HYAL4: variants seen among roughly 807,000 people sequenced by gnomAD.
HYAL4 encodes hyaluronidase 4.
In HYAL4, 37 loss-of-function variants were observed where a neutral mutation model predicts 35.2. The observed-to-expected ratio is 1.05, with a 90% CI of 0.81 to 1.38. The LOEUF (loss-of-function observed/expected upper bound fraction) is 1.38. HYAL4 is among the 40% of genes most tolerant of loss of function. The pLI, the probability that HYAL4 is intolerant of heterozygous loss-of-function variation, is 0.00. For synonymous variants in HYAL4, 198 were observed against 203.2 expected, an observed-to-expected ratio of 0.97 and a Z score of 0.22; for missense variants, 572 against 572.4, an observed-to-expected ratio of 1.00 and a Z score of 0.01.
At chr7:123,839,151 G>GA (rs1806014285) in intron 1 of HYAL4, among the ~76,000 whole-genome samples, 1 of 151,862 alleles carries the variant, frequency 6.6e-6, no homozygotes, top group Non-Finnish European at 1.5e-5. Context: ...TCCCACCTCT[G>GA]ACAGGCCACG....
intron 4 of HYAL4, among the ~76,000 whole-genome samples, chr7:123,876,304 A>G (rs1807022362): frequency 2.0e-5 from 3 of 152,234 alleles, no homozygotes; most frequent in Admixed American, 6.5e-5. Flanking sequence ...TTCAGGCTCT[A>G]ACACAACCAA....
the HYAL4 span, among the ~76,000 whole-genome samples, chr7:123,776,209 A>G: frequency 2.6e-5 from 4 of 152,204 alleles, no homozygotes; most frequent in East Asian, 1.9e-4. Flanking sequence ...GGGAACTGGT[A>G]GGATAAGCCT....
At chr7:123,814,728 T>A in the HYAL4 span, 1 of 152,620 alleles carries the variant, frequency 6.6e-6, no homozygotes, top group African/African-American at 2.4e-5. Flanking sequence ...GCTTTAGAAA[T>A]GAGACCAAAA....
chr7:123,817,909 G>A, the HYAL4 span, among the ~76,000 whole-genome samples: 1 of 151,648 alleles, frequency 6.6e-6, no homozygotes, highest in East Asian at 1.9e-4. Context: ...ATGGAGTCTC[G>A]CCCTGTCACC....
the HYAL4 span, among the ~76,000 whole-genome samples, chr7:123,784,756 A>G: frequency 1.1e-4 from 17 of 152,338 alleles, no homozygotes; most frequent in East Asian, 5.8e-4. Context: ...TGAATTTGCT[A>G]GTTTTCACCA....
chr7:123,857,588 G>A (rs971720441), intron 2 of HYAL4, among the ~76,000 whole-genome samples: 1 of 152,050 alleles, frequency 6.6e-6, no homozygotes, highest in African/African-American at 2.4e-5. Context: ...ATTCTGCATT[G>A]ATCTCACTGG....
upstream of HYAL4, chr7:123,844,185 G>A (rs1284755338): frequency 6.6e-6 from 1 of 151,952 alleles, no homozygotes; most frequent in African/African-American, 2.4e-5. Flanking sequence ...GGGTTTTGGT[G>A]TAGATGACCT....
At chr7:123,806,521 G>T in the HYAL4 span, among the ~76,000 whole-genome samples, 1 of 151,838 alleles carries the variant, frequency 6.6e-6, no homozygotes, top group East Asian at 1.9e-4. Context: ...TTGGCTCACC[G>T]CAACCTCTGC....
At chr7:123,771,841 A>T in the HYAL4 span, among the ~76,000 whole-genome samples, 1 of 148,088 alleles carries the variant, frequency 6.8e-6, no homozygotes. Context: ...ATCCATGTAG[A>T]GATTAGCATT....
upstream of HYAL4, among the ~76,000 whole-genome samples, chr7:123,842,178 G>T (rs894730493): frequency 6.6e-6 from 1 of 152,158 alleles, no homozygotes; most frequent in African/African-American, 2.4e-5. Context: ...ATGTGTCCCA[G>T]AGATTCTGAT....
chr7:123,869,119 G>T lies in HYAL4; in HGVS notation c.846G>T (p.Val282=). Residue 282 remains valine, a synonymous_variant, in exon 3 of 5, where the codon GTG becomes GTT. Coordinates refer to ENST00000223026, the MANE Select transcript of HYAL4 (RefSeq NM_012269.3). ...TTTTGCGCTTCTCCAAATTTCGGGT[G>T]CATGAATCCATGAGGATCTCCACCA... is the stretch of plus-strand genomic sequence containing the variant. ...ENILRFSKFR[V]HESMRISTMT... 5 of 1,614,108 alleles carry T rather than the reference G, an allele frequency of 3.1e-6. No homozygotes were observed. The highest frequency in any genetic ancestry group is 4.2e-6 in the Non-Finnish European group (5 of 1,180,014).
chr7:123,864,267 C>A (rs1246682190), intron 2 of HYAL4, among the ~76,000 whole-genome samples: 1 of 152,042 alleles, frequency 6.6e-6, no homozygotes, highest in East Asian at 1.9e-4. Flanking sequence ...TGTTCAGGGG[C>A]CTTTAAAATG....
At chr7:123,776,488 A>G in the HYAL4 span, among the ~76,000 whole-genome samples, 1 of 152,280 alleles carries the variant, frequency 6.6e-6, no homozygotes, top group African/African-American at 2.4e-5. Context: ...ATCATAGCTC[A>G]CTGTAACCTC....
chr7:123,777,072 T>C, the HYAL4 span, among the ~76,000 whole-genome samples: 1 of 152,274 alleles, frequency 6.6e-6, no homozygotes, highest in South Asian at 2.1e-4. Flanking sequence ...TTACAGTTAA[T>C]AAAAACTCCT....
upstream of HYAL4, among the ~76,000 whole-genome samples, chr7:123,827,623 T>A (rs189913846): frequency 6.5e-4 from 99 of 152,298 alleles, no homozygotes; most frequent in Non-Finnish European, 6.8e-4. Context: ...TCCGATTGAA[T>A]GTGCCTGTAA....
chr7:123,851,882 C>T (rs1282779588), intron 2 of HYAL4, among the ~76,000 whole-genome samples: 2 of 152,208 alleles, frequency 1.3e-5, no homozygotes, highest in Admixed American at 1.3e-4. Flanking sequence ...TCCTATTTCT[C>T]CACATTCTCT....
chr7:123,806,408 C>T, the HYAL4 span, among the ~76,000 whole-genome samples: 4 of 151,892 alleles, frequency 2.6e-5, no homozygotes, highest in African/African-American at 7.3e-5. Context: ...TTCTCCATTA[C>T]TCCTTAGTGT....
chr7:123,834,126 TG>T (rs1475631363), intron 1 of HYAL4, among the ~76,000 whole-genome samples: 1 of 152,076 alleles, frequency 6.6e-6, no homozygotes, highest in Non-Finnish European at 1.5e-5. Context: ...TGAAGAATCA[TG>T]GTGGTATTTT....
chr7:123,764,524 C>G, the HYAL4 span, among the ~76,000 whole-genome samples: 3 of 152,170 alleles, frequency 2.0e-5, no homozygotes, highest in African/African-American at 7.2e-5. Flanking sequence ...CTGCCTAGCA[C>G]AGAGTCTAGG....
Sources: gnomAD v4.1 joint callset for allele counts (sites outside exome capture counted in the v4.1 genomes callset) on GRCh38, gnomAD v4.1.1 for gene constraint, MANE v1.5 for transcripts, NCBI Gene and HGNC (gene_info 2026-07-23, HGNC 2026-07-21) for gene names.